Variants in PAK5 observed in about 807,000 individuals in gnomAD.
PAK5 encodes the protein serine/threonine-protein kinase PAK 5.
In PAK5, 16 loss-of-function variants were observed where a neutral mutation model predicts 65.9. That is an observed-to-expected ratio of 0.24 (90% CI 0.16 to 0.37). PAK5 has a LOEUF of 0.37. Among genes scored for constraint, PAK5 ranks in the 10% least tolerant of loss-of-function variants. The pLI is 1.00. For missense variants in PAK5, 785 were observed against 903.9 expected (o/e 0.87, Z 1.69); for synonymous variants, 371 against 354.9 (o/e 1.05, Z -0.51).
At chr20:9,800,704 T>C (rs2049159221) in intron 1 of PAK5, among the ~76,000 whole-genome samples, 1 of 151,950 alleles carries the variant, frequency 6.6e-6, no homozygotes, top group Admixed American at 6.6e-5. Context: ...ACCTCCACAA[T>C]CTACTTTCCA....
In PAK5 at chr20:9,588,067, G is replaced by A. The variant is rs78254640; in HGVS notation, c.205-7137C>T. ...AACATTTCTCCAGCTTAACCAAAAC[G>A]ATGACTTCCATTTATTTCACCATTT... On this transcript the variant is annotated intron_variant, in intron 3 of 9. Transcript: ENST00000353224. Among the ~76,000 whole-genome samples, 33 of 152,120 alleles carry A rather than the reference G, an allele frequency of 2.2e-4. 1 individual carries two copies. In the East Asian group the frequency reaches 6.0e-3, roughly 28 times the overall value.
intron 3 of PAK5, among the ~76,000 whole-genome samples, chr20:9,601,738 A>G (rs1037300693): frequency 6.6e-6 from 1 of 152,114 alleles, no homozygotes; most frequent in Admixed American, 6.5e-5. Context: ...GCTATTATAT[A>G]TATCGACTGG....
chr20:9,613,491 C>A (rs1036861823), intron 3 of PAK5, among the ~76,000 whole-genome samples: 1 of 152,134 alleles, frequency 6.6e-6, no homozygotes, highest in Non-Finnish European at 1.5e-5. Context: ...GGGCACCCAC[C>A]CTTTTGTGAG....
At chr20:9,591,340 T>C (rs2046166707) in intron 3 of PAK5, among the ~76,000 whole-genome samples, 1 of 151,912 alleles carries the variant, frequency 6.6e-6, no homozygotes, top group Non-Finnish European at 1.5e-5. Context: ...CAACTTCAAC[T>C]CTCAGGAGTA....
At chr20:9,595,134 G>T (rs1342637006) in intron 3 of PAK5, among the ~76,000 whole-genome samples, 3 of 151,168 alleles carry the variant, frequency 2.0e-5, no homozygotes, top group African/African-American at 7.3e-5. Flanking sequence ...TAGAGAGAGA[G>T]AGAGATAGTA....
chr20:9,799,507 T>G (rs1053849402), intron 1 of PAK5, among the ~76,000 whole-genome samples: 1 of 152,100 alleles, frequency 6.6e-6, no homozygotes, highest in Non-Finnish European at 1.5e-5. Flanking sequence ...AGAATGTGTG[T>G]GTGGTTGAAT....
chr20:9,616,638 G>A (rs182793604), intron 3 of PAK5, among the ~76,000 whole-genome samples: 1 of 152,328 alleles, frequency 6.6e-6, no homozygotes, highest in Non-Finnish European at 1.5e-5. Context: ...GCTAGCCTGT[G>A]GCTTGCACTG....
intron 1 of PAK5, among the ~76,000 whole-genome samples, chr20:9,739,773 T>G (rs1192376804): frequency 6.6e-6 from 1 of 152,096 alleles, no homozygotes; most frequent in Non-Finnish European, 1.5e-5. Flanking sequence ...GGAAGTATGT[T>G]TTGTTCTCAG....
intron 6 of PAK5, among the ~76,000 whole-genome samples, chr20:9,558,322 G>T (rs945782933): frequency 6.6e-6 from 1 of 151,848 alleles, no homozygotes; most frequent in Admixed American, 6.6e-5. Context: ...ATATTGGCCA[G>T]CCTGGTCTTG....
chr20:9,797,432 C>T (rs1232682877), intron 1 of PAK5, among the ~76,000 whole-genome samples: 8 of 142,492 alleles, frequency 5.6e-5, no homozygotes, highest in African/African-American at 1.1e-4. Context: ...CATTCATAGG[C>T]GGGAATTGAA....
At chr20:9,551,137 A>G (rs532329116) in intron 7 of PAK5, among the ~76,000 whole-genome samples, 1 of 152,322 alleles carries the variant, frequency 6.6e-6, no homozygotes, top group Admixed American at 6.5e-5. Context: ...TTCTAAAAGA[A>G]CATAATTGCA....
chr20:9,746,681 AT>A, intron 1 of PAK5, among the ~76,000 whole-genome samples: 1 of 152,248 alleles, frequency 6.6e-6, no homozygotes, highest in East Asian at 1.9e-4. Flanking sequence ...TGAGAAACTT[AT>A]TTAATTAATT....
chr20:9,665,661 T>C (rs62194582), intron 2 of PAK5, among the ~76,000 whole-genome samples: 22,042 of 149,378 alleles, frequency 0.15, 2,078 homozygotes, highest in South Asian at 0.37. Flanking sequence ...TCTTTTCTTT[T>C]CTTTTTTTTT....
In PAK5 at chr20:9,666,664, AAAC is replaced by A. The variant is rs2047423949; in HGVS notation, c.-11-22328_-11-22326del. On this transcript the variant is annotated intron_variant, in intron 2 of 9. Transcript: ENST00000353224. ...ACCATAAGCTCAGATGAACAAGAAA[AAAC>A]AAAACAAAATGCAAAACAAAACAAA... Among the ~76,000 whole-genome samples the A allele has an allele frequency of 2.6e-5, 4 of 152,158 alleles. No homozygotes were observed. The South Asian group carries it at 8.3e-4, about 31-fold the overall frequency.
chr20:9,764,291 A>G (rs2048732147), intron 1 of PAK5, among the ~76,000 whole-genome samples: 1 of 152,188 alleles, frequency 6.6e-6, no homozygotes, highest in South Asian at 2.1e-4. Flanking sequence ...TTATGTTCAT[A>G]GTTAACAGTT....
chr20:9,652,244 C>G (rs1382289644), intron 2 of PAK5, among the ~76,000 whole-genome samples: 1 of 152,156 alleles, frequency 6.6e-6, no homozygotes, highest in Admixed American at 6.5e-5. Flanking sequence ...CCACACCATC[C>G]CCTTTCTGAG....
chr20:9,590,393 C>T (rs577783060), intron 3 of PAK5, among the ~76,000 whole-genome samples: 3 of 152,206 alleles, frequency 2.0e-5, no homozygotes, highest in Non-Finnish European at 4.4e-5. Flanking sequence ...TGGGCCAAAT[C>T]TGGCCCTCTG....
chr20:9,772,279 G>A (rs1172324546), intron 1 of PAK5, among the ~76,000 whole-genome samples: 3 of 152,162 alleles, frequency 2.0e-5, no homozygotes, highest in Non-Finnish European at 4.4e-5. Context: ...AGATGAGCTG[G>A]GGGAGGTATA....
intron 1 of PAK5, among the ~76,000 whole-genome samples, chr20:9,768,636 A>G (rs1387254298): frequency 6.6e-6 from 1 of 151,936 alleles, no homozygotes; most frequent in East Asian, 1.9e-4. Context: ...TACAAAAATT[A>G]TACGGGTATG....
Sources: gnomAD v4.1 joint callset for allele counts (sites outside exome capture counted in the v4.1 genomes callset) on GRCh38, gnomAD v4.1.1 for gene constraint, MANE v1.5 for transcripts, NCBI Gene and HGNC (gene_info 2026-07-23, HGNC 2026-07-21) for gene names.